The following MAF variants were observed in gnomAD, a reference collection of about 807,000 sequenced individuals.
MAF encodes the protein transcription factor Maf.
A neutral mutation model predicts 22.0 loss-of-function variants in MAF; 10 were observed. The ratio of observed to expected loss-of-function variants is 0.45; its 90% CI spans 0.28 to 0.77. The LOEUF (loss-of-function observed/expected upper bound fraction) is 0.77. Among genes scored for constraint, MAF ranks in the 30% least tolerant of loss-of-function variants. The probability of loss-of-function intolerance (pLI) is 0.12; values close to 1 mark genes in which losing one functional copy is unlikely to be tolerated. For synonymous variants in MAF, 337 were observed against 255.8 expected (o/e 1.32, Z -3.03); for missense variants, 544 against 548.4 (o/e 0.99, Z 0.08).
chr16:79,501,050 A>G, the MAF span, among the ~76,000 whole-genome samples: 1 of 152,144 alleles, frequency 6.6e-6, no homozygotes, highest in Non-Finnish European at 1.5e-5. Flanking sequence ...GGATCCTGTA[A>G]CAGGTGGGTT....
the MAF span, among the ~76,000 whole-genome samples, chr16:79,374,868 T>C: frequency 6.6e-6 from 1 of 152,220 alleles, no homozygotes; most frequent in African/African-American, 2.4e-5. Flanking sequence ...CAAGATATGT[T>C]AGACAGTCAG....
the MAF span, among the ~76,000 whole-genome samples, chr16:79,283,142 G>A: frequency 6.6e-6 from 1 of 152,196 alleles, no homozygotes; most frequent in Non-Finnish European, 1.5e-5. Context: ...CATTGTGAAT[G>A]TCCTTCACAT....
chr16:79,548,532 A>G, the MAF span, among the ~76,000 whole-genome samples: 9 of 152,346 alleles, frequency 5.9e-5, no homozygotes, highest in African/African-American at 2.2e-4. Context: ...TCTACAAGAA[A>G]GTGTTCTAGC....
chr16:79,482,082 T>G, the MAF span, among the ~76,000 whole-genome samples: 3 of 152,138 alleles, frequency 2.0e-5, no homozygotes, highest in South Asian at 4.1e-4. Context: ...AAAAGAGATG[T>G]GAAAAGTGTT....
chr16:79,307,216 C>T, the MAF span, among the ~76,000 whole-genome samples: 1 of 152,202 alleles, frequency 6.6e-6, no homozygotes, highest in Non-Finnish European at 1.5e-5. Flanking sequence ...TGGCTCTGAC[C>T]TCACACGAGC....
chr16:79,593,487 A>C (rs1913305406), downstream of MAF, among the ~76,000 whole-genome samples: 1 of 152,180 alleles, frequency 6.6e-6, no homozygotes, highest in African/African-American at 2.4e-5. Flanking sequence ...CTAAGTAAAA[A>C]TGACTGGGGT....
chr16:79,539,454 A>T, the MAF span, among the ~76,000 whole-genome samples: 19 of 152,216 alleles, frequency 1.2e-4, no homozygotes, highest in Non-Finnish European at 1.3e-4. Context: ...CAGTGAGCCG[A>T]GATCGCGCCA....
the MAF span, among the ~76,000 whole-genome samples, chr16:79,350,205 G>A: frequency 1.3e-5 from 2 of 152,118 alleles, no homozygotes; most frequent in African/African-American, 4.8e-5. Flanking sequence ...GGACTCTATG[G>A]ACCTAAACCA....
At chr16:79,281,316 G>A in the MAF span, among the ~76,000 whole-genome samples, 3 of 151,314 alleles carry the variant, frequency 2.0e-5, no homozygotes, top group East Asian at 1.9e-4. Flanking sequence ...GATCGTGAAA[G>A]ATGAAAGAAA....
the MAF span, among the ~76,000 whole-genome samples, chr16:79,340,876 A>G: frequency 0.034 from 5,197 of 152,246 alleles, 283 homozygotes; most frequent in African/African-American, 0.12. Context: ...CATTAGGCAA[A>G]TAACTAAATT....
the MAF span, among the ~76,000 whole-genome samples, chr16:79,332,638 C>A: frequency 6.6e-6 from 1 of 152,184 alleles, no homozygotes; most frequent in Non-Finnish European, 1.5e-5. Context: ...ATCAAACATG[C>A]TACATGCCAG....
At chr16:79,557,358 T>C in the MAF span, among the ~76,000 whole-genome samples, 1 of 151,958 alleles carries the variant, frequency 6.6e-6, no homozygotes, top group Non-Finnish European at 1.5e-5. Context: ...TTGCCAATGA[T>C]CCTGTCACAG....
chr16:79,404,154 T>C, the MAF span, among the ~76,000 whole-genome samples: 1 of 146,868 alleles, frequency 6.8e-6, no homozygotes, highest in Admixed American at 7.0e-5. Context: ...CATTTTACCG[T>C]CTGGATTTTC....
At chr16:79,259,994 G>C in the MAF span, among the ~76,000 whole-genome samples, 2 of 152,222 alleles carry the variant, frequency 1.3e-5, no homozygotes, top group South Asian at 2.1e-4. Context: ...ACAGTGCATA[G>C]TGGGACTACC....
intron 1 of MAF, among the ~76,000 whole-genome samples, chr16:79,586,168 C>A (rs1912829463): frequency 6.6e-6 from 1 of 152,204 alleles, no homozygotes; most frequent in Non-Finnish European, 1.5e-5. Flanking sequence ...TTCACTCCCT[C>A]TGAACTACTG....
chr16:79,346,895 T>C, the MAF span, among the ~76,000 whole-genome samples: 3 of 152,218 alleles, frequency 2.0e-5, no homozygotes, highest in Non-Finnish European at 4.4e-5. Context: ...TGATAAGATT[T>C]AACCTGCAGT....
At chr16:79,213,111 G>A in the MAF span, among the ~76,000 whole-genome samples, 2 of 152,212 alleles carry the variant, frequency 1.3e-5, no homozygotes, top group Non-Finnish European at 2.9e-5. Context: ...TGGACACCAT[G>A]ATTTCCAGCC....
chr16:79,569,765 T>C, the MAF span, among the ~76,000 whole-genome samples: 1 of 152,246 alleles, frequency 6.6e-6, no homozygotes, highest in East Asian at 1.9e-4. Context: ...TAGGCATTTG[T>C]ATTTGAAAAG....
the MAF span, among the ~76,000 whole-genome samples, chr16:79,452,611 G>A: frequency 3.9e-5 from 6 of 152,006 alleles, no homozygotes; most frequent in African/African-American, 1.2e-4. Flanking sequence ...TGAAAAATGT[G>A]GCAGACACAG....
Sources: gnomAD v4.1 joint callset for allele counts (sites outside exome capture counted in the v4.1 genomes callset) on GRCh38, gnomAD v4.1.1 for gene constraint, MANE v1.5 for transcripts, NCBI Gene and HGNC (gene_info 2026-07-23, HGNC 2026-07-21) for gene names.